TPP1: variants seen among roughly 807,000 people sequenced by gnomAD.
TPP1 encodes tripeptidyl peptidase 1.
TPP1 carries 43 observed loss-of-function variants against 67.6 expected under a neutral mutation model. The observed-to-expected ratio is 0.64, with a 90% confidence interval of 0.50 to 0.82. TPP1 has a LOEUF of 0.82. TPP1 is among the 40% of genes least tolerant of loss of function. The pLI is 0.00. For synonymous variants in TPP1, 272 were observed against 281.5 expected, an observed-to-expected ratio of 0.97 and a Z score of 0.34; for missense variants, 671 against 710.9, an observed-to-expected ratio of 0.94 and a Z score of 0.64.
chr11:6,615,967 G>C, intron 9 of TPP1, 38 bp downstream of exon 9: 1 of 1,603,496 alleles, frequency 6.2e-7, no homozygotes, highest in Non-Finnish European at 8.5e-7. Context: ...CAAGTGAAAG[G>C]TGGTGGTTAT....
rs1855541508 is a variant in TPP1 at position 6,614,296 on chromosome 11, A to G, written c.*250T>C. The G allele has an allele frequency of 8.0e-5, 45 of 565,434 alleles. 2 individuals carry two copies. In the South Asian group the frequency reaches 8.9e-4, roughly 11 times the overall value. The allele number at this position is 565,434 out of a possible 1,614,324, so 35.0% of individuals were successfully genotyped here. A position where few individuals can be genotyped will look rare whatever the true frequency, so the allele number is the denominator to read the frequency against. On this transcript the variant is annotated 3_prime_UTR_variant, in exon 13 of 13. Transcript: ENST00000299427. ...AGAGAAAGATGAGATGCGGAGGGAG[A>G]GGCATTCAAAAAATGCTAGTTACAG...
chr11:6,617,831 C>T, intron 3 of TPP1, 55 bp from the exon 4 acceptor site: 1 of 1,612,592 alleles, frequency 6.2e-7, no homozygotes, highest in Non-Finnish European at 8.5e-7. Context: ...CCAAACTCCC[C>T]CTTTTGGACC....
At chr11:6,618,480 G>T (rs1855618920) in intron 3 of TPP1, 1 of 582,854 alleles carries the variant, frequency 1.7e-6, no homozygotes, top group East Asian at 2.8e-5. Context: ...AGGCTCTTTG[G>T]GAGTTAGAAC....
chr11:6,618,680 T>C (rs1463680647), intron 3 of TPP1, 96 bp downstream of exon 3: 1 of 1,549,450 alleles, frequency 6.5e-7, no homozygotes, highest in African/African-American at 1.4e-5. Context: ...AACACAAGTG[T>C]CTTGGCAGGC....
chr11:6,617,114 C>T lies in TPP1; in HGVS notation c.548G>A (p.Arg183Lys), dbSNP rs573539804. The T allele has an allele frequency of 6.2e-7, 1 of 1,614,146 alleles. No individual in the cohort carries two copies. Among genetic ancestry groups the T allele is most frequent in the Admixed American group, 1.7e-5 (1 of 60,018 alleles). The stretch of plus-strand genomic sequence containing the variant: ...TGTCACCTGCGGCTCAGGACGTTGC[C>T]TCAGGGATGATGTTGGGGGAAAACG... ...LHRFPPTSSL[R>K]QRPEPQVTGT... The change falls in exon 6 of 13, where the codon AGG (arginine) becomes AAG (lysine). Residue 183 changes from arginine (R) to lysine (K), a missense_variant. Arg to Lys is a conservative substitution (Grantham distance 26, BLOSUM62 2). Transcript: ENST00000299427.
intron 11 of TPP1, 87 bp downstream of exon 11, chr11:6,615,084 G>C: frequency 6.2e-7 from 1 of 1,613,772 alleles, no homozygotes; most frequent in East Asian, 2.2e-5. Context: ...TCTCTAAGGA[G>C]TCAGGGGTTC....
rs780823344 is a variant in TPP1 at position 6,614,510 on chromosome 11, G to A, written c.*36C>T. ...TAAGGGACTGAACTGCCAGCTTCAGGGCAGGGGACAAGCCATCTCTCCTGA... is the reference window on the plus strand; with the variant it reads ...TAAGGGACTGAACTGCCAGCTTCAGAGCAGGGGACAAGCCATCTCTCCTGA... On this transcript the variant is annotated 3_prime_UTR_variant, in exon 13 of 13. Transcript: ENST00000299427. 2.5e-6 allele frequency: 4 copies of A among 1,614,008 alleles called. No individual in the cohort carries two copies. The highest frequency in any genetic ancestry group is 2.7e-5 in the African/African-American group (2 of 75,012).
Position 6,617,384 on chromosome 11 carries a change from A to C in TPP1, c.425T>G (p.Val142Gly), listed in dbSNP as rs775217501. 24 of 1,614,040 alleles carry C rather than the reference A, an allele frequency of 1.5e-5. No homozygotes were observed. The Admixed American group carries it at 3.8e-4, about 26-fold the overall frequency. ...AACATGGGTTTCCGTAGGTCCTCCC[A>C]CATAGTGATGAAACTCAGCCCCAGG... The part of the protein sequence containing the change: ...LLPGAEFHHY[V>G]GGPTETHVVR... Residue 142 changes from valine to glycine, a missense_variant, in exon 5 of 13, where the codon GTG becomes GGG. Physicochemically the swap from Val to Gly is moderately radical, Grantham distance 109. Transcript: ENST00000299427.
chr11:6,616,074 C>A lies in TPP1; in HGVS notation c.1076G>T (p.Gly359Val). The A allele has an allele frequency of 1.2e-6, 2 of 1,614,132 alleles. No homozygotes were observed. The highest frequency in any genetic ancestry group is 1.7e-6 in the Non-Finnish European group (2 of 1,180,014). Residue 359 changes from glycine to valine, a missense_variant and splice_region_variant, in exon 9 of 13, where the codon GGT (glycine) becomes GTT (valine). By Grantham distance (109) the Gly-to-Val change is moderately radical (BLOSUM62 -3). Coordinates refer to ENST00000299427, the MANE Select transcript of TPP1 (RefSeq NM_000391.4). ...AGACCAACACCCGGCCCCACTGTCACCTGAGAGAGACCAAGTGTAGCATTC... is the reference window on the plus strand; with the variant it reads ...AGACCAACACCCGGCCCCACTGTCAACTGAGAGAGACCAAGTGTAGCATTC... ...ARGLTLLFASGDSGAGCWSVS... is the reference protein window; with the variant it reads ...ARGLTLLFASVDSGAGCWSVS...
At position 6,616,383 on chromosome 11, in the gene TPP1, T is replaced by C. The variant is rs758649621; in HGVS notation, c.1007A>G (p.Tyr336Cys). ...GDDEDSLSSA[Y>C]IQRVNTELMK... ...GAGCTCAGTGTTGACCCGCTGGATG[T>C]AGGCGCTGCTGAGGGAGTCCTCATC... Residue 336 changes from tyrosine (Y) to cysteine (C), a missense_variant, in exon 8 of 13, where the codon TAC becomes TGC. Physicochemically the swap from Tyr to Cys is radical, Grantham distance 194. Coordinates refer to ENST00000299427, the MANE Select transcript of TPP1 (RefSeq NM_000391.4). 3.0e-5 allele frequency: 49 copies of C among 1,613,888 alleles called. No individual in the cohort carries two copies. The highest frequency in any genetic ancestry group is 8.5e-7 in the Non-Finnish European group (1 of 1,180,034).
Position 6,616,959 on chromosome 11 carries a change from T to C in TPP1, c.687+16A>G. ...GGGGAGGCTATGAGGACCCTGGGGC[T>C]CTTTGCTTGGCTCACCTGGGCACAG... On this transcript the variant is annotated intron_variant, in intron 6 of 12. Coordinates refer to ENST00000299427, the MANE Select transcript of TPP1 (RefSeq NM_000391.4). 3 of 1,614,066 alleles carry C rather than the reference T, an allele frequency of 1.9e-6. No homozygotes were observed. Among genetic ancestry groups the C allele is most frequent in the Non-Finnish European group, 2.5e-6 (3 of 1,179,976 alleles).
Position 6,618,017 on chromosome 11 carries a change from C to T in TPP1, c.230-241G>A, listed in dbSNP as rs540249817. The T allele has an allele frequency of 3.4e-5, 20 of 582,150 alleles. No individual in the cohort carries two copies. The African/African-American group carries it at 3.7e-4, about 11-fold the overall frequency. 36.1% of individuals were successfully genotyped at this position (582,150 alleles called of 1,614,324 possible). A position where few individuals can be genotyped will look rare whatever the true frequency, so the allele number is the denominator to read the frequency against. On this transcript the variant is annotated intron_variant, in intron 3 of 12. Transcript: ENST00000299427. ...CCAGTAAGTTGCAAATGTCGCACCA[C>T]AGCATGTATTGCCATGATCATGAAA...
chr11:6,614,982 G>C lies in TPP1; in HGVS notation c.1435C>G (p.Pro479Ala), dbSNP rs756530648. ...AAGGATAGGATCCCCCCAAACACTG[G>C]AGTAGAGGCCTACAAGAGTGAAGGT... is the stretch of plus-strand genomic sequence containing the variant. ...PWVSGTSAST[P>A]VFGGILSLIN... The change falls in exon 12 of 13, where the codon CCA (proline) becomes GCA (alanine). Residue 479 changes from proline to alanine, a missense_variant. Pro to Ala is a conservative substitution (Grantham distance 27). Coordinates refer to ENST00000299427, the MANE Select transcript of TPP1 (RefSeq NM_000391.4). The C allele has an allele frequency of 4.3e-6, 7 of 1,614,112 alleles. No individual in the cohort carries two copies. The South Asian group carries it at 6.6e-5, about 15-fold the overall frequency.
Position 6,616,396 on chromosome 11 carries a change from G to A in TPP1, c.994C>T (p.Leu332Phe). 1.2e-6 allele frequency: 2 copies of A among 1,614,000 alleles called. No individual in the cohort carries two copies. Among genetic ancestry groups the A allele is most frequent in the Non-Finnish European group, 1.7e-6 (2 of 1,180,030 alleles). ...ACCCGCTGGATGTAGGCGCTGCTGAGGGAGTCCTCATCATCTCCATAGCTC... is the reference window on the plus strand; with the variant it reads ...ACCCGCTGGATGTAGGCGCTGCTGAAGGAGTCCTCATCATCTCCATAGCTC... ...TVSYGDDEDS[L>F]SSAYIQRVNT... Residue 332 changes from leucine (L) to phenylalanine (F), a missense_variant, in exon 8 of 13, where the codon CTC becomes TTC. Coordinates refer to ENST00000299427, the MANE Select transcript of TPP1 (RefSeq NM_000391.4).
rs1269586405 is a variant in TPP1, at chr11:6,616,478, G to T, written c.912C>A (p.Phe304Leu). 1.2e-6 allele frequency: 2 copies of T among 1,610,030 alleles called. No individual in the cohort carries two copies. The highest frequency in any genetic ancestry group is 1.7e-6 in the Non-Finnish European group (2 of 1,179,694). ...TACTGAGCAGCATGAGCCACTGCAG[G>T]AAGGGCTCCTGTCCCTCATGCCGGC... ...SPGRHEGQEPFLQWLMLLSNE... is the reference protein window; with the variant it reads ...SPGRHEGQEPLLQWLMLLSNE... The change falls in exon 8 of 13, where the codon TTC becomes TTA. Residue 304 changes from phenylalanine to leucine, a missense_variant. Coordinates refer to ENST00000299427, the MANE Select transcript of TPP1 (RefSeq NM_000391.4).
intron 3 of TPP1, chr11:6,618,099 A>G: frequency 2.5e-6 from 1 of 401,820 alleles, no homozygotes; most frequent in Non-Finnish European, 4.7e-6. Flanking sequence ...TATGTCCGGT[A>G]AATGTTTTCA....
At chr11:6,615,143 G>T (rs767912332) in intron 11 of TPP1, 28 bp downstream of exon 11, 3 of 1,614,158 alleles carry the variant, frequency 1.9e-6, no homozygotes, top group East Asian at 2.2e-5. Flanking sequence ...GTTCCTGAGT[G>T]AGAGTTTGGA....
Position 6,614,871 on chromosome 11 carries a change from A to C in TPP1, c.1546T>G (p.Phe516Val). The change falls in exon 12 of 13, where the codon TTT becomes GTT. Residue 516 changes from phenylalanine (F) to valine (V), a missense_variant. By Grantham distance (50) the Phe-to-Val change is conservative. Transcript: ENST00000299427. ...CCCTTCCCTTCCATACTTACATCAAAGAGTCCTGCCCCATGCTGCTGGTAG... is the reference window on the plus strand; with the variant it reads ...CCCTTCCCTTCCATACTTACATCAACGAGTCCTGCCCCATGCTGCTGGTAG... Reference protein sequence around the residue: ...RLYQQHGAGLFDVTRGCHESC... With the variant: ...RLYQQHGAGLVDVTRGCHESC... 6.2e-7 allele frequency: 1 copy of C among 1,614,098 alleles called. No individual in the cohort carries two copies. The highest frequency in any genetic ancestry group is 8.5e-7 in the Non-Finnish European group (1 of 1,180,026).
At position 6,619,203 on chromosome 11, in the gene TPP1, G is replaced by A. The variant is rs771499448; in HGVS notation, c.82C>T (p.Arg28Trp). ...TGTGCTAAGTCAACTCACGTCCTCC[G>A]CTGGTCGGGCTCCGGGCTGTAACTG... ...KCSYSPEPDQ[R>W]RTLPPGWVSL... The change falls in exon 2 of 13, where the codon CGG (arginine) becomes TGG (tryptophan). Residue 28 changes from arginine to tryptophan, a missense_variant. Arg to Trp is a moderately radical substitution (Grantham distance 101). Coordinates refer to ENST00000299427, the MANE Select transcript of TPP1 (RefSeq NM_000391.4). 2 of 1,614,140 alleles carry A rather than the reference G, an allele frequency of 1.2e-6. No homozygotes were observed. Among genetic ancestry groups the A allele is most frequent in the Non-Finnish European group, 1.7e-6 (2 of 1,180,006 alleles).
Sources: gnomAD v4.1 joint callset for allele counts on GRCh38, gnomAD v4.1.1 for gene constraint, MANE v1.5 for transcripts, NCBI Gene and HGNC (gene_info 2026-07-23, HGNC 2026-07-21) for gene names.